Variants in CDIN1 observed in about 807,000 individuals in gnomAD.
The protein encoded by CDIN1 is CDAN1-interacting nuclease 1.
CDIN1 carries 33 observed loss-of-function variants against 45.3 expected under a neutral mutation model. That is an observed-to-expected ratio of 0.73 (90% CI 0.55 to 0.97). The LOEUF is 0.97. Among genes scored for constraint, CDIN1 ranks in the 50% least tolerant of loss-of-function variants. The probability of loss-of-function intolerance (pLI) is 0.00; values close to 1 mark genes in which losing one functional copy is unlikely to be tolerated. For synonymous variants in CDIN1, 118 were observed against 124.4 expected (o/e 0.95, Z 0.34); for missense variants, 303 against 339.4 (o/e 0.89, Z 0.84).
chr15:36,687,038 G>T (rs1215513045), intron 5 of CDIN1, among the ~76,000 whole-genome samples: 1 of 150,948 alleles, frequency 6.6e-6, no homozygotes, highest in African/African-American at 2.4e-5. Flanking sequence ...AAGGGAGGGA[G>T]GGAGGGAGGG....
At chr15:36,586,979 G>A (rs913434979) in intron 1 of CDIN1, among the ~76,000 whole-genome samples, 23 of 152,110 alleles carry the variant, frequency 1.5e-4, no homozygotes, top group Non-Finnish European at 2.9e-5. Flanking sequence ...ACCTTGTTGG[G>A]AATTATTTTG....
chr15:36,709,792 C>G, intron 9 of CDIN1, 64 bp from the exon 10 acceptor site: 1 of 1,291,892 alleles, frequency 7.7e-7, no homozygotes, highest in Non-Finnish European at 1.1e-6. Flanking sequence ...GAGGCCTGTA[C>G]AGAGTTCAGA....
At chr15:36,650,450 A>G (rs2040528602) in intron 3 of CDIN1, among the ~76,000 whole-genome samples, 1 of 112,862 alleles carries the variant, frequency 8.9e-6, no homozygotes, top group East Asian at 2.5e-4. Flanking sequence ...TTATTTATTT[A>G]TTTATTATTT....
chr15:36,651,905 A>T (rs2040590759), intron 3 of CDIN1, among the ~76,000 whole-genome samples: 1 of 152,230 alleles, frequency 6.6e-6, no homozygotes, highest in South Asian at 2.1e-4. Flanking sequence ...CTGTTTCTTT[A>T]AACTTGATAG....
intron 10 of CDIN1, among the ~76,000 whole-genome samples, chr15:36,784,696 G>A (rs780611420): frequency 5.3e-5 from 8 of 152,040 alleles, no homozygotes; most frequent in African/African-American, 9.7e-5. Flanking sequence ...TAAACATTGC[G>A]TTATCCAATC....
chr15:36,682,018 A>C (rs2041866119), intron 5 of CDIN1, among the ~76,000 whole-genome samples: 1 of 152,158 alleles, frequency 6.6e-6, no homozygotes, highest in South Asian at 2.1e-4. Flanking sequence ...TGTTTAAAAA[A>C]ATGGAAATCA....
chr15:36,682,106 T>A (rs1341404936), intron 5 of CDIN1, among the ~76,000 whole-genome samples: 2 of 151,806 alleles, frequency 1.3e-5, no homozygotes, highest in Non-Finnish European at 2.9e-5. Flanking sequence ...TGTAATTGAT[T>A]TATACAATTA....
intron 4 of CDIN1, 74 bp downstream of exon 4, chr15:36,654,232 A>G: frequency 8.0e-7 from 1 of 1,244,304 alleles, no homozygotes; most frequent in Non-Finnish European, 1.1e-6. Flanking sequence ...CTTTGCTTAC[A>G]ATTATAACTA....
At chr15:36,630,451 C>T (rs571365361) in intron 1 of CDIN1, among the ~76,000 whole-genome samples, 106 of 152,218 alleles carry the variant, frequency 7.0e-4, no homozygotes, top group Non-Finnish European at 1.2e-3. Context: ...AGTTTACAGA[C>T]GGTGGAATTG....
At chr15:36,599,339 T>A (rs1242442557) in intron 1 of CDIN1, among the ~76,000 whole-genome samples, 3 of 152,186 alleles carry the variant, frequency 2.0e-5, no homozygotes, top group African/African-American at 7.2e-5. Context: ...TTTGTTATAT[T>A]TTAGTATATG....
intron 1 of CDIN1, among the ~76,000 whole-genome samples, chr15:36,586,079 T>A (rs1429923088): frequency 1.3e-5 from 2 of 152,144 alleles, no homozygotes; most frequent in African/African-American, 2.4e-5. Context: ...CTGACCAACA[T>A]CTAGCAGGAC....
intron 10 of CDIN1, among the ~76,000 whole-genome samples, chr15:36,787,588 T>A (rs1033224264): frequency 6.6e-6 from 1 of 152,238 alleles, no homozygotes; most frequent in Non-Finnish European, 1.5e-5. Context: ...ATAGTGAATA[T>A]ACATAACTCC....
intron 1 of CDIN1, among the ~76,000 whole-genome samples, chr15:36,603,638 A>G (rs997108254): frequency 6.6e-6 from 1 of 152,134 alleles, no homozygotes; most frequent in African/African-American, 2.4e-5. Flanking sequence ...TTTCTGTATC[A>G]TATAAGCTCC....
intron 5 of CDIN1, among the ~76,000 whole-genome samples, chr15:36,673,190 C>G (rs570088151): frequency 6.6e-6 from 1 of 152,050 alleles, no homozygotes; most frequent in East Asian, 1.9e-4. Flanking sequence ...CTTTAGCAGC[C>G]GGGGAGATTT....
chr15:36,621,559 G>A (rs2039192470), intron 1 of CDIN1, among the ~76,000 whole-genome samples: 1 of 152,050 alleles, frequency 6.6e-6, no homozygotes, highest in Admixed American at 6.5e-5. Context: ...GCTGAAATTT[G>A]GGGGAAGTTT....
rs565373637 is a variant in CDIN1 at position 36,622,901 on chromosome 15, T to TG, written c.102-21371dup. Among the ~76,000 whole-genome samples, 172 of 152,272 alleles carry TG rather than the reference T, an allele frequency of 1.1e-3. 1 individual carries two copies. The highest frequency in any genetic ancestry group is 4.1e-3 in the African/African-American group (172 of 41,554). ...CTCTGGTCTGGGGAGGCCATTTTGA[T>TG]GGGGGGAAGAAAATTGAAGCTTCTT... On this transcript the variant is annotated intron_variant, in intron 1 of 10. Coordinates refer to ENST00000566621, the MANE Select transcript of CDIN1 (RefSeq NM_001321759.2).
At chr15:36,751,202 T>C (rs942832547) in intron 10 of CDIN1, among the ~76,000 whole-genome samples, 9 of 113,588 alleles carry the variant, frequency 7.9e-5, no homozygotes, top group Non-Finnish European at 1.6e-4. Context: ...CCATTTTTAT[T>C]GATAAAAGCA....
At chr15:36,706,171 A>C (rs2042857318) in intron 8 of CDIN1, 1 of 152,208 alleles carries the variant, frequency 6.6e-6, no homozygotes, top group African/African-American at 2.4e-5. Flanking sequence ...CATAAATTGT[A>C]AAACTGACTA....
At chr15:36,714,035 T>C (rs1189002503) in intron 10 of CDIN1, among the ~76,000 whole-genome samples, 1 of 152,188 alleles carries the variant, frequency 6.6e-6, no homozygotes, top group East Asian at 1.9e-4. Flanking sequence ...TGACAGACAA[T>C]AATGTTTTGA....
Sources: gnomAD v4.1 joint callset for allele counts (sites outside exome capture counted in the v4.1 genomes callset) on GRCh38, gnomAD v4.1.1 for gene constraint, MANE v1.5 for transcripts, NCBI Gene and HGNC (gene_info 2026-07-23, HGNC 2026-07-21) for gene names.